ANO1: variants seen among roughly 807,000 people sequenced by gnomAD.
The protein encoded by ANO1 is anoctamin-1.
ANO1 carries 59 observed loss-of-function variants against 124.0 expected under a neutral mutation model. That is an observed-to-expected ratio of 0.48 (90% CI 0.39 to 0.59). The LOEUF is 0.59. Ranked by LOEUF, ANO1 falls within the 20% of genes least tolerant of loss-of-function variation. The probability of loss-of-function intolerance (pLI) is 0.00; values close to 1 mark genes in which losing one functional copy is unlikely to be tolerated. For synonymous variants in ANO1, 529 were observed against 532.0 expected, an observed-to-expected ratio of 0.99 and a Z score of 0.08; for missense variants, 1,059 against 1,328.0, an observed-to-expected ratio of 0.80 and a Z score of 3.15.
At chr11:70,062,369 G>A (rs1276169316) in intron 1 of ANO1, among the ~76,000 whole-genome samples, 3 of 152,070 alleles carry the variant, frequency 2.0e-5, no homozygotes, top group African/African-American at 4.8e-5. Context: ...GAGCCACCAC[G>A]CCCGGCCGAG....
At chr11:70,025,827 GTGGTGGTGA>G (rs1271096533) in intron 1 of ANO1, among the ~76,000 whole-genome samples, 10 of 103,284 alleles carry the variant, frequency 9.7e-5, no homozygotes, top group Non-Finnish European at 1.9e-4. Flanking sequence ...GATGATGATG[GTGGTGGTGA>G]TGATGATGAT....
intron 1 of ANO1, among the ~76,000 whole-genome samples, chr11:70,083,114 G>A (rs2044251481): frequency 6.6e-6 from 1 of 152,094 alleles, no homozygotes; most frequent in African/African-American, 2.4e-5. Context: ...TTCACTTGTG[G>A]TCCACTCTGG....
intron 11 of ANO1, among the ~76,000 whole-genome samples, chr11:70,144,226 G>A: frequency 6.6e-6 from 1 of 152,208 alleles, no homozygotes; most frequent in Non-Finnish European, 1.5e-5. Context: ...AGCCTCTCAA[G>A]GGGACACGTG....
At chr11:70,185,887 C>A (rs1396173941) in intron 25 of ANO1, among the ~76,000 whole-genome samples, 192 bp downstream of exon 25, 1 of 152,142 alleles carries the variant, frequency 6.6e-6, no homozygotes, top group Non-Finnish European at 1.5e-5. Flanking sequence ...TGACAGGGCC[C>A]AAGACAACCT....
chr11:69,978,555 T>G, the ANO1 span, among the ~76,000 whole-genome samples: 2 of 152,222 alleles, frequency 1.3e-5, no homozygotes, highest in Non-Finnish European at 2.9e-5. Context: ...CTTGCCATGT[T>G]TCCCAGGCTG....
intron 1 of ANO1, among the ~76,000 whole-genome samples, chr11:70,062,910 TTTG>T (rs548909324): frequency 2.0e-5 from 3 of 152,008 alleles, no homozygotes; most frequent in Admixed American, 6.5e-5. Context: ...ATGTTGTTTT[TTTG>T]TTGTTGTTGT....
rs764330705 is a variant in ANO1, at chr11:70,108,401, A to G, written c.796A>G (p.Met266Val). ...RTTCTKAKYS[M>V]GITSLLANGV... Reference sequence around the variant, plus strand: ...GACGTGTACAAAGGCCAAGTACAGCATGGGTAAGCACGTTTTTGGGGCTTG... The same window carrying G: ...GACGTGTACAAAGGCCAAGTACAGCGTGGGTAAGCACGTTTTTGGGGCTTG... The change falls in exon 6 of 26, where the codon ATG becomes GTG. Residue 266 changes from methionine (M) to valine (V), a missense_variant. Met to Val is a conservative substitution (Grantham distance 21). Coordinates refer to ENST00000355303, the MANE Select transcript of ANO1 (RefSeq NM_018043.7). The G allele has an allele frequency of 6.2e-7, 1 of 1,611,882 alleles. No individual in the cohort carries two copies. The highest frequency in any genetic ancestry group is 8.5e-7 in the Non-Finnish European group (1 of 1,178,428).
At chr11:70,154,402 A>T (rs1036708130) in intron 14 of ANO1, among the ~76,000 whole-genome samples, 2 of 151,962 alleles carry the variant, frequency 1.3e-5, no homozygotes, top group African/African-American at 4.8e-5. Context: ...CAGCTCTTCA[A>T]ATACAATGAG....
chr11:70,123,508 C>G (rs920296832), intron 8 of ANO1, among the ~76,000 whole-genome samples: 1 of 152,220 alleles, frequency 6.6e-6, no homozygotes, highest in African/African-American at 2.4e-5. Flanking sequence ...GGGGTTCCCT[C>G]GTCCCCCAGC....
At chr11:70,150,787 A>G (rs2047573507) in intron 12 of ANO1, among the ~76,000 whole-genome samples, 1 of 152,076 alleles carries the variant, frequency 6.6e-6, no homozygotes, top group African/African-American at 2.4e-5. Context: ...GAACTTTTTC[A>G]TGCATTTTTA....
intron 1 of ANO1, among the ~76,000 whole-genome samples, chr11:70,012,700 C>T (rs1856622059): frequency 6.6e-6 from 1 of 151,860 alleles, no homozygotes; most frequent in Non-Finnish European, 1.5e-5. Context: ...TTCATCCATC[C>T]ATCCATCCAT....
chr11:70,032,376 G>A (rs1857017066), intron 1 of ANO1, among the ~76,000 whole-genome samples: 1 of 152,130 alleles, frequency 6.6e-6, no homozygotes, highest in African/African-American at 2.4e-5. Context: ...AGGTGCCCCT[G>A]GGAGAAGCTG....
At chr11:70,177,610 T>C (rs1236270302) in intron 22 of ANO1, among the ~76,000 whole-genome samples, 2 of 141,814 alleles carry the variant, frequency 1.4e-5, no homozygotes, top group Non-Finnish European at 3.1e-5. Flanking sequence ...TTTTTTTTTT[T>C]TTTTTTTGAG....
Position 70,155,863 on chromosome 11 carries a change from G to T in ANO1, c.1426-48G>T, listed in dbSNP as rs751938350. On this transcript the variant is annotated intron_variant, in intron 14 of 25. Coordinates refer to ENST00000355303, the MANE Select transcript of ANO1 (RefSeq NM_018043.7). Reference sequence around the variant, plus strand: ...CCTGGGCCCCGCGGTCTGCGGTGCCGCCTCCCACTTCACCGCACGGTGCTC... The same window carrying T: ...CCTGGGCCCCGCGGTCTGCGGTGCCTCCTCCCACTTCACCGCACGGTGCTC... The T allele has an allele frequency of 3.3e-6, 5 of 1,495,906 alleles. No individual in the cohort carries two copies. The South Asian group carries it at 6.4e-5, about 19-fold the overall frequency. The allele number at this position is 1,495,906 out of a possible 1,614,324, so 92.7% of individuals were successfully genotyped here. A position where few individuals can be genotyped will look rare whatever the true frequency, so the allele number is the denominator to read the frequency against.
chr11:70,085,825 G>A lies in ANO1; in HGVS notation c.109-1927G>A, dbSNP rs959294715. Among the ~76,000 whole-genome samples, 19 of 152,256 alleles carry A rather than the reference G, an allele frequency of 1.2e-4. 1 individual carries two copies. Among genetic ancestry groups the A allele is most frequent in the Admixed American group, 6.5e-5 (1 of 15,292 alleles). On this transcript the variant is annotated intron_variant, in intron 1 of 25. Transcript: ENST00000355303. ...AGGGGCTCCACCCTCCGGCTTCCCT[G>A]ATACACTTTGGGTTGTATACAGCCC...
intron 23 of ANO1, among the ~76,000 whole-genome samples, chr11:70,181,375 C>T (rs932468632): frequency 6.6e-6 from 1 of 152,238 alleles, no homozygotes; most frequent in Non-Finnish European, 1.5e-5. Context: ...AGCCCTCTGA[C>T]AGTGCCCTTT....
At chr11:70,026,415 C>T (rs1218752512) in intron 1 of ANO1, among the ~76,000 whole-genome samples, 1 of 128,866 alleles carries the variant, frequency 7.8e-6, no homozygotes, top group African/African-American at 3.0e-5. Flanking sequence ...ATGATGATGA[C>T]AACAGTAATA....
At chr11:70,105,164 A>G (rs1438529561) in intron 4 of ANO1, among the ~76,000 whole-genome samples, 1 of 152,034 alleles carries the variant, frequency 6.6e-6, no homozygotes, top group Non-Finnish European at 1.5e-5. Context: ...GGCTCCGTGG[A>G]GGTGGAAACT....
intron 1 of ANO1, among the ~76,000 whole-genome samples, chr11:70,068,036 G>T (rs1175965690): frequency 6.6e-6 from 1 of 152,168 alleles, no homozygotes; most frequent in African/African-American, 2.4e-5. Context: ...GAGGGGACAC[G>T]CTCCTGCCAG....
Sources: gnomAD v4.1 joint callset for allele counts (sites outside exome capture counted in the v4.1 genomes callset) on GRCh38, gnomAD v4.1.1 for gene constraint, MANE v1.5 for transcripts, NCBI Gene and HGNC (gene_info 2026-07-23, HGNC 2026-07-21) for gene names.